Variants in WWOX observed in about 807,000 individuals in gnomAD.
WWOX encodes the protein WW domain containing oxidoreductase.
WWOX carries 69 observed loss-of-function variants against 46.2 expected under a neutral mutation model. The observed-to-expected ratio is 1.49, with a 90% CI of 1.23 to 1.82. The LOEUF (loss-of-function observed/expected upper bound fraction) is 1.82, where lower values mean the gene tolerates loss of function less well. Among genes scored for constraint, WWOX ranks in the 40% most tolerant of loss-of-function variants. The pLI is 0.00. For missense variants in WWOX, 919 were observed against 542.6 expected (o/e 1.69, Z -6.89); for synonymous variants, 359 against 202.6 (o/e 1.77, Z -6.56).
Position 78,843,533 on chromosome 16 carries a change from CTT to C in WWOX, c.1057-368073_1057-368072del, listed in dbSNP as rs1454170407. On this transcript the variant is annotated intron_variant, in intron 8 of 8. Transcript: ENST00000566780. ...AACCCACAAATGACATGTTTTGACT[CTT>C]TGACACAGAATGGTTGGAAATCACT... Among the ~76,000 whole-genome samples the C allele has an allele frequency of 1.3e-5, 2 of 150,020 alleles. 1 individual carries two copies. Among genetic ancestry groups the C allele is most frequent in the Non-Finnish European group, 3.0e-5 (2 of 67,062 alleles).
intron 8 of WWOX, among the ~76,000 whole-genome samples, chr16:78,486,774 G>C (rs924616057): frequency 2.0e-5 from 3 of 152,104 alleles, no homozygotes; most frequent in Non-Finnish European, 4.4e-5. Context: ...AGGGTTTACT[G>C]TCTTGGCCAG....
At chr16:79,117,400 G>A (rs1307959736) in intron 8 of WWOX, among the ~76,000 whole-genome samples, 2 of 152,178 alleles carry the variant, frequency 1.3e-5, no homozygotes, top group Non-Finnish European at 2.9e-5. Flanking sequence ...GCCATAAATA[G>A]ACGTGGTCTC....
intron 8 of WWOX, among the ~76,000 whole-genome samples, chr16:78,741,804 G>A (rs974056299): frequency 1.3e-5 from 2 of 151,850 alleles, no homozygotes; most frequent in Admixed American, 6.6e-5. Context: ...GCAGTGAGTT[G>A]AGACTGTGCC....
At chr16:78,743,356 G>C (rs762777723) in intron 8 of WWOX, among the ~76,000 whole-genome samples, 3 of 152,084 alleles carry the variant, frequency 2.0e-5, no homozygotes, top group Non-Finnish European at 4.4e-5. Flanking sequence ...TTAACTCATT[G>C]ATTCTCAAAC....
intron 8 of WWOX, among the ~76,000 whole-genome samples, chr16:79,018,157 A>C (rs1233806452): frequency 6.6e-6 from 1 of 152,176 alleles, no homozygotes; most frequent in Non-Finnish European, 1.5e-5. Flanking sequence ...CCGGTTAAAC[A>C]CGGTACTGAA....
intron 8 of WWOX, among the ~76,000 whole-genome samples, chr16:78,568,681 G>A (rs1302468726): frequency 6.6e-6 from 1 of 151,944 alleles, no homozygotes; most frequent in Non-Finnish European, 1.5e-5. Flanking sequence ...CGCCATGTTG[G>A]CCAGGCTGGT....
At chr16:78,649,908 G>A (rs982826766) in intron 8 of WWOX, among the ~76,000 whole-genome samples, 12 of 152,180 alleles carry the variant, frequency 7.9e-5, no homozygotes, top group African/African-American at 2.9e-4. Flanking sequence ...ATCCAAATCT[G>A]TGTCTGTGTT....
At chr16:78,881,282 GC>G (rs2044338626) in intron 8 of WWOX, among the ~76,000 whole-genome samples, 1 of 152,162 alleles carries the variant, frequency 6.6e-6, no homozygotes, top group Admixed American at 6.5e-5. Flanking sequence ...AGGGTTACAG[GC>G]ATGAGCCACT....
chr16:78,309,026 T>G (rs1418682361), intron 5 of WWOX, among the ~76,000 whole-genome samples: 1 of 152,148 alleles, frequency 6.6e-6, no homozygotes, highest in Non-Finnish European at 1.5e-5. Context: ...CCACCCAAAA[T>G]CAGTCCTTTC....
At chr16:78,782,057 G>T (rs2050340706) in intron 8 of WWOX, among the ~76,000 whole-genome samples, 3 of 152,172 alleles carry the variant, frequency 2.0e-5, no homozygotes. Flanking sequence ...GTCTTTGGAA[G>T]GGTAGGTGGC....
intron 8 of WWOX, among the ~76,000 whole-genome samples, chr16:78,587,332 C>T (rs2045234711): frequency 6.6e-6 from 1 of 151,632 alleles, no homozygotes; most frequent in Admixed American, 6.6e-5. Context: ...TGCGTGAGGC[C>T]CAGTTAGTAT....
intron 6 of WWOX, among the ~76,000 whole-genome samples, chr16:78,418,643 G>A (rs1394956945): frequency 6.6e-6 from 1 of 151,998 alleles, no homozygotes; most frequent in Non-Finnish European, 1.5e-5. Flanking sequence ...ATTCACGGTT[G>A]GTTTTATATT....
intron 5 of WWOX, among the ~76,000 whole-genome samples, chr16:78,299,792 G>A (rs2080007699): frequency 2.0e-5 from 3 of 152,064 alleles, no homozygotes; most frequent in African/African-American, 4.8e-5. Context: ...GCCTCCCAAA[G>A]TGCTGGGATT....
chr16:79,137,739 G>T, intron 8 of WWOX, among the ~76,000 whole-genome samples: 1 of 151,344 alleles, frequency 6.6e-6, no homozygotes, highest in East Asian at 2.0e-4. Context: ...CACTCCTCCT[G>T]CTCTCCAGCC....
At chr16:79,170,670 A>ATT (rs35761134) in intron 8 of WWOX, among the ~76,000 whole-genome samples, 2,302 of 151,324 alleles carry the variant, frequency 0.015, 21 homozygotes, top group Admixed American at 0.018. Context: ...AGTTACTTCT[A>ATT]TTTTTTTTTA....
intron 8 of WWOX, among the ~76,000 whole-genome samples, chr16:79,052,125 G>C (rs1291332064): frequency 1.3e-5 from 2 of 151,676 alleles, no homozygotes; most frequent in East Asian, 3.9e-4. Flanking sequence ...TGCCATGCTG[G>C]TGCGCTGCAC....
chr16:78,657,902 T>A (rs1469427410), intron 8 of WWOX, among the ~76,000 whole-genome samples: 4 of 152,122 alleles, frequency 2.6e-5, no homozygotes, highest in African/African-American at 9.7e-5. Flanking sequence ...ATTGTTCTCA[T>A]TAGAAAGTAT....
chr16:78,577,022 T>C (rs904645817), intron 8 of WWOX, among the ~76,000 whole-genome samples: 1 of 152,190 alleles, frequency 6.6e-6, no homozygotes, highest in Non-Finnish European at 1.5e-5. Context: ...AATTCAGTGA[T>C]TAGTTTATAG....
intron 8 of WWOX, among the ~76,000 whole-genome samples, chr16:78,462,186 G>C (rs1003424079): frequency 8.5e-5 from 13 of 152,124 alleles, no homozygotes; most frequent in Non-Finnish European, 1.8e-4. Flanking sequence ...AACTTGCAGC[G>C]AGGCCATTCA....
Sources: gnomAD v4.1 joint callset for allele counts (sites outside exome capture counted in the v4.1 genomes callset) on GRCh38, gnomAD v4.1.1 for gene constraint, MANE v1.5 for transcripts, NCBI Gene and HGNC (gene_info 2026-07-23, HGNC 2026-07-21) for gene names.